Variants in LAMC1 observed in about 807,000 individuals in gnomAD.
LAMC1 encodes laminin subunit gamma 1.
In LAMC1, 38 loss-of-function variants were observed where a neutral mutation model predicts 173.6. The ratio of observed to expected loss-of-function variants is 0.22; its 90% CI spans 0.17 to 0.29. The LOEUF is 0.29. Among genes scored for constraint, LAMC1 ranks in the 10% least tolerant of loss-of-function variants. The pLI, the probability that LAMC1 is intolerant of heterozygous loss-of-function variation, is 1.00. For synonymous variants in LAMC1, 746 were observed against 749.1 expected, an observed-to-expected ratio of 1.00 and a Z score of 0.07; for missense variants, 1,824 against 2,051.8, an observed-to-expected ratio of 0.89 and a Z score of 2.14.
intron 1 of LAMC1, among the ~76,000 whole-genome samples, chr1:183,026,806 T>C (rs1228481301): frequency 6.6e-6 from 1 of 152,214 alleles, no homozygotes; most frequent in African/African-American, 2.4e-5. Context: ...ACATAAGAAA[T>C]GTAAGTAGTT....
intron 1 of LAMC1, among the ~76,000 whole-genome samples, chr1:183,092,517 A>G (rs781204530): frequency 1.5e-4 from 23 of 152,182 alleles, no homozygotes; most frequent in Non-Finnish European, 2.8e-4. Flanking sequence ...TGCATTTTCA[A>G]AAGCTCTGTG....
At chr1:183,029,066 T>G (rs1653769910) in intron 1 of LAMC1, among the ~76,000 whole-genome samples, 1 of 152,208 alleles carries the variant, frequency 6.6e-6, no homozygotes, top group South Asian at 2.1e-4. Flanking sequence ...ACGTCTCTCC[T>G]GAAAGAACCA....
chr1:183,103,193 A>G (rs918588932), intron 1 of LAMC1, 135 bp from the exon 2 acceptor site: 10 of 863,616 alleles, frequency 1.2e-5, no homozygotes, highest in Non-Finnish European at 1.8e-5. Context: ...TCTGTTTTAG[A>G]ATAGCCTGTC....
Position 183,130,357 on chromosome 1 carries a change from T to A in LAMC1, c.3294T>A (p.Asn1098Lys). 6.2e-7 allele frequency: 1 copy of A among 1,614,090 alleles called. No individual in the cohort carries two copies. The highest frequency in any genetic ancestry group is 8.5e-7 in the Non-Finnish European group (1 of 1,179,924). The change falls in exon 19 of 28, where the codon AAT becomes AAA. Residue 1098 changes from asparagine to lysine, a missense_variant. Asn to Lys is a moderately conservative substitution (Grantham distance 94). Coordinates refer to ENST00000258341, the MANE Select transcript of LAMC1 (RefSeq NM_002293.4). ...AAACCATTTTAGATGTTGACCAGAA[T>A]TTGATGGATCGCCTACAGAGAGTGA... is the stretch of plus-strand genomic sequence containing the variant. ...EAQDVKDVDQ[N>K]LMDRLQRVNN...
chr1:183,084,345 GA>G (rs372863204), intron 1 of LAMC1, among the ~76,000 whole-genome samples: 17,645 of 101,312 alleles, frequency 0.17, 1,081 homozygotes, highest in Admixed American at 0.28. Flanking sequence ...TCCGTCTCAA[GA>G]AAAAAAAAAA....
At chr1:183,124,571 A>G in intron 13 of LAMC1, 60 bp from the exon 14 acceptor site, 1 of 1,597,130 alleles carries the variant, frequency 6.3e-7, no homozygotes, top group South Asian at 1.1e-5. Flanking sequence ...GCCAGTGGTA[A>G]TCTAGCACCA....
At chr1:183,095,810 A>C (rs1000184144) in intron 1 of LAMC1, among the ~76,000 whole-genome samples, 8 of 152,278 alleles carry the variant, frequency 5.3e-5, no homozygotes, top group African/African-American at 1.9e-4. Flanking sequence ...TTCACTTGGG[A>C]ATCTTTTTTG....
At chr1:183,029,928 A>T (rs1558026431) in intron 1 of LAMC1, among the ~76,000 whole-genome samples, 2 of 152,200 alleles carry the variant, frequency 1.3e-5, no homozygotes, top group Non-Finnish European at 2.9e-5. Context: ...TGAGGTGTAG[A>T]TGCAGAGACC....
chr1:183,084,336 C>G (rs1421004564), intron 1 of LAMC1, among the ~76,000 whole-genome samples: 1 of 149,790 alleles, frequency 6.7e-6, no homozygotes, highest in Non-Finnish European at 1.5e-5. Context: ...GAGCAAGACT[C>G]CGTCTCAAGA....
intron 11 of LAMC1, among the ~76,000 whole-genome samples, chr1:183,119,211 TAAAAA>T (rs955763972): frequency 1.3e-5 from 2 of 151,960 alleles, no homozygotes; most frequent in African/African-American, 4.8e-5. Flanking sequence ...TTTTTTTTCT[TAAAAA>T]AAAGTTTTAA....
At chr1:183,060,026 C>T (rs914735615) in intron 1 of LAMC1, among the ~76,000 whole-genome samples, 14 of 152,100 alleles carry the variant, frequency 9.2e-5, no homozygotes, top group South Asian at 2.1e-4. Context: ...AGGAAGGAAA[C>T]GTGAGGATTG....
At position 183,126,189 on chromosome 1, in the gene LAMC1, G is replaced by T. The variant is rs201601443; in HGVS notation, c.2871G>T (p.Gln957His). ...TCCGCACCGGCCAGTGTGAGTGCCAGCCCGGCATCACTGGTCAGCACTGTG... is the reference window on the plus strand; with the variant it reads ...TCCGCACCGGCCAGTGTGAGTGCCATCCCGGCATCACTGGTCAGCACTGTG... The part of the protein sequence containing the change: ...CDIRTGQCEC[Q>H]PGITGQHCER... The change falls in exon 16 of 28, where the codon CAG (glutamine) becomes CAT (histidine). Residue 957 changes from glutamine (Q) to histidine (H), a missense_variant. Coordinates refer to ENST00000258341, the MANE Select transcript of LAMC1 (RefSeq NM_002293.4). 1,188 of 1,614,218 alleles carry T rather than the reference G, an allele frequency of 7.4e-4. No individual in the cohort carries two copies. The highest frequency in any genetic ancestry group is 9.2e-4 in the Non-Finnish European group (1,080 of 1,180,026).
chr1:183,142,841 G>A lies in LAMC1; in HGVS notation c.*51G>A, dbSNP rs770039799. ...CCCTCTGACAGGGGGGCAGTTGTGAGGCCACAGAGTGCCTTGACACAAAGA... is the reference window on the plus strand; with the variant it reads ...CCCTCTGACAGGGGGGCAGTTGTGAAGCCACAGAGTGCCTTGACACAAAGA... On this transcript the variant is annotated 3_prime_UTR_variant, in exon 28 of 28. Transcript: ENST00000258341. 24 of 1,548,282 alleles carry A rather than the reference G, an allele frequency of 1.6e-5. No individual in the cohort carries two copies. The highest frequency in any genetic ancestry group is 2.1e-5 in the Non-Finnish European group (24 of 1,147,726).
At position 183,028,817 on chromosome 1, in the gene LAMC1, C is replaced by T. The variant is rs1467296398; in HGVS notation, c.418+4683C>T. Among the ~76,000 whole-genome samples the T allele has an allele frequency of 3.9e-5, 6 of 152,200 alleles. No homozygotes were observed. In the East Asian group the frequency reaches 1.2e-3, roughly 29 times the overall value. ...GCTTCGTGGATGAACTCGTGTTTGTCTCAAGGCTTTATTTGCAATTTCATT... is the reference window on the plus strand; with the variant it reads ...GCTTCGTGGATGAACTCGTGTTTGTTTCAAGGCTTTATTTGCAATTTCATT... On this transcript the variant is annotated intron_variant, in intron 1 of 27. Transcript: ENST00000258341.
intron 1 of LAMC1, among the ~76,000 whole-genome samples, chr1:183,034,046 C>T (rs1385255695): frequency 6.6e-6 from 1 of 152,086 alleles, no homozygotes; most frequent in Admixed American, 6.6e-5. Flanking sequence ...CTGAAAAGAT[C>T]TACCCACTTA....
rs569164651 is a variant in LAMC1, at chr1:183,130,913, G to A, written c.3486+364G>A. 4.6e-5 allele frequency among the ~76,000 whole-genome samples: 7 copies of A among 152,226 alleles called. No individual in the cohort carries two copies. In the East Asian group the frequency reaches 1.4e-3, roughly 29 times the overall value. On this transcript the variant is annotated intron_variant, in intron 19 of 27. Transcript: ENST00000258341. ...CTTGGGGCCAGGCGCGGTGGCTCACGCCTGTAATCCCAGCACTTTGGGAGG... is the reference window on the plus strand; with the variant it reads ...CTTGGGGCCAGGCGCGGTGGCTCACACCTGTAATCCCAGCACTTTGGGAGG...
intron 1 of LAMC1, among the ~76,000 whole-genome samples, chr1:183,095,986 A>G (rs1317374195): frequency 6.6e-6 from 1 of 152,324 alleles, no homozygotes; most frequent in South Asian, 2.1e-4. Flanking sequence ...TTCTCTCTGT[A>G]TGCATATAAT....
At chr1:183,034,435 G>A (rs929409949) in intron 1 of LAMC1, among the ~76,000 whole-genome samples, 2 of 152,168 alleles carry the variant, frequency 1.3e-5, no homozygotes, top group African/African-American at 2.4e-5. Context: ...ACCATGCCCA[G>A]CTAATTTTTG....
chr1:183,041,888 A>T (rs187681597), intron 1 of LAMC1, among the ~76,000 whole-genome samples: 1 of 152,320 alleles, frequency 6.6e-6, no homozygotes, highest in African/African-American at 2.4e-5. Context: ...GGCTATGGAC[A>T]CAGAATGCAG....
Sources: gnomAD v4.1 joint callset for allele counts (sites outside exome capture counted in the v4.1 genomes callset) on GRCh38, gnomAD v4.1.1 for gene constraint, MANE v1.5 for transcripts, NCBI Gene and HGNC (gene_info 2026-07-23, HGNC 2026-07-21) for gene names.